MYO10: variants seen among roughly 807,000 people sequenced by gnomAD.
The protein encoded by MYO10 is unconventional myosin-X.
In MYO10, 133 loss-of-function variants were observed where a neutral mutation model predicts 257.3. That is an observed-to-expected ratio of 0.52 (90% CI 0.45 to 0.60). MYO10 has a LOEUF of 0.60. Ranked by LOEUF, MYO10 falls within the 20% of genes least tolerant of loss-of-function variation. The pLI is 0.00. For synonymous variants in MYO10, 1,104 were observed against 1,028.6 expected, an observed-to-expected ratio of 1.07 and a Z score of -1.40; for missense variants, 2,399 against 2,635.7, an observed-to-expected ratio of 0.91 and a Z score of 1.97.
intron 1 of MYO10, among the ~76,000 whole-genome samples, chr5:16,915,813 C>T (rs996902035): frequency 2.0e-5 from 3 of 152,070 alleles, no homozygotes; most frequent in Non-Finnish European, 2.9e-5. Context: ...AAAAATTAGC[C>T]GGGTGTGGTG....
intron 2 of MYO10, among the ~76,000 whole-genome samples, chr5:16,842,549 C>A (rs577299210): frequency 1.3e-5 from 2 of 152,254 alleles, no homozygotes; most frequent in South Asian, 4.2e-4. Context: ...TTCTGTCTTC[C>A]TAATCTGTCC....
chr5:16,889,653 C>A (rs529250338), intron 1 of MYO10, among the ~76,000 whole-genome samples: 1 of 151,710 alleles, frequency 6.6e-6, no homozygotes, highest in African/African-American at 2.4e-5. Context: ...ATAAAACTGT[C>A]CCACTAAGAA....
At chr5:16,875,072 T>A (rs1744563298) in intron 2 of MYO10, among the ~76,000 whole-genome samples, 1 of 152,106 alleles carries the variant, frequency 6.6e-6, no homozygotes, top group African/African-American at 2.4e-5. Context: ...CTAGCCCCCG[T>A]GATTCAATTA....
chr5:16,677,658 G>A (rs1208896796), intron 33 of MYO10, among the ~76,000 whole-genome samples: 1 of 151,930 alleles, frequency 6.6e-6, no homozygotes, highest in South Asian at 2.1e-4. Context: ...TTCGTGACCC[G>A]CCTGCCTTGG....
At chr5:16,788,892 G>T (rs1741670909) in intron 4 of MYO10, among the ~76,000 whole-genome samples, 2 of 152,136 alleles carry the variant, frequency 1.3e-5, no homozygotes, top group Non-Finnish European at 2.9e-5. Flanking sequence ...AAAAGATTTT[G>T]AATAACGTCA....
At chr5:16,893,194 C>T (rs1410922470) in intron 1 of MYO10, among the ~76,000 whole-genome samples, 14 of 18,580 alleles carry the variant, frequency 7.5e-4, no homozygotes, top group African/African-American at 8.5e-4. Flanking sequence ...GAGACTCTGT[C>T]TCAAAAAAAA....
At position 16,700,958 on chromosome 5, in the gene MYO10, C is replaced by A. The variant is rs1446395793; in HGVS notation, c.3432+5G>T. 1.3e-6 allele frequency: 2 copies of A among 1,545,014 alleles called. No individual in the cohort carries two copies. Among genetic ancestry groups the A allele is most frequent in the Non-Finnish European group, 8.8e-7 (1 of 1,142,612 alleles). Reference sequence around the variant, plus strand: ...TTCACTGGGACACGCCAGGCAGGTACTTACCGAGGACTGCGCCCCCTCAGA... The same window carrying A: ...TTCACTGGGACACGCCAGGCAGGTAATTACCGAGGACTGCGCCCCCTCAGA... On this transcript the variant is annotated splice_donor_5th_base_variant and intron_variant, in intron 25 of 40. Transcript: ENST00000513610.
intron 9 of MYO10, among the ~76,000 whole-genome samples, chr5:16,778,836 G>A (rs1246887255): frequency 2.0e-5 from 3 of 151,822 alleles, no homozygotes; most frequent in South Asian, 2.1e-4. Context: ...GACTATAGGC[G>A]CCCGCCACCA....
intron 1 of MYO10, among the ~76,000 whole-genome samples, chr5:16,921,677 G>C (rs1169927867): frequency 6.6e-6 from 1 of 151,492 alleles, no homozygotes; most frequent in Admixed American, 6.6e-5. Context: ...GAGGAAGATC[G>C]AAAAAATACT....
At chr5:16,735,496 G>A (rs1451770834) in intron 19 of MYO10, among the ~76,000 whole-genome samples, 3 of 152,058 alleles carry the variant, frequency 2.0e-5, no homozygotes, top group African/African-American at 7.2e-5. Context: ...CTTGAGCCCA[G>A]GAGTTCGAGA....
chr5:16,742,051 G>A, intron 19 of MYO10: 3 of 985,368 alleles, frequency 3.0e-6, no homozygotes, highest in Non-Finnish European at 3.6e-6. Context: ...GACTGCAGGG[G>A]CAAACTAACC....
intron 17 of MYO10, among the ~76,000 whole-genome samples, chr5:16,760,295 CAAAAAAA>C (rs749694848): frequency 1.9e-5 from 2 of 107,314 alleles, no homozygotes; most frequent in Admixed American, 1.0e-4. Flanking sequence ...ACTAAAGATA[CAAAAAAA>C]AAAAAAAAAA....
intron 2 of MYO10, among the ~76,000 whole-genome samples, chr5:16,840,607 G>A (rs1341902366): frequency 6.6e-6 from 1 of 152,034 alleles, no homozygotes; most frequent in East Asian, 1.9e-4. Context: ...GCCACTACAA[G>A]CACACTGTAC....
intron 1 of MYO10, among the ~76,000 whole-genome samples, chr5:16,909,305 G>A (rs754255365): frequency 8.6e-5 from 13 of 152,020 alleles, no homozygotes; most frequent in South Asian, 2.1e-4. Context: ...TCAGGAGTTC[G>A]AGACCAGCCT....
chr5:16,846,944 C>G (rs989985401), intron 2 of MYO10, among the ~76,000 whole-genome samples: 2 of 151,234 alleles, frequency 1.3e-5, no homozygotes, highest in African/African-American at 4.9e-5. Context: ...ATGGTGAAAC[C>G]CCATCTTTAC....
At chr5:16,929,330 T>C (rs1746234102) in intron 1 of MYO10, among the ~76,000 whole-genome samples, 1 of 152,176 alleles carries the variant, frequency 6.6e-6, no homozygotes, top group Non-Finnish European at 1.5e-5. Context: ...GACTACTTGT[T>C]TTCCTAAACT....
intron 8 of MYO10, among the ~76,000 whole-genome samples, chr5:16,780,091 G>A (rs1390382061): frequency 2.0e-5 from 3 of 152,012 alleles, no homozygotes; most frequent in Non-Finnish European, 2.9e-5. Context: ...TAGTAGAGAC[G>A]GAGTTTCACC....
At position 16,858,639 on chromosome 5, in the gene MYO10, A is replaced by T. The variant is rs1744029980; in HGVS notation, c.120+18970T>A. Among the ~76,000 whole-genome samples, 4 of 152,166 alleles carry T rather than the reference A, an allele frequency of 2.6e-5. No individual in the cohort carries two copies. In the South Asian group the frequency reaches 8.3e-4, roughly 32 times the overall value. On this transcript the variant is annotated intron_variant, in intron 2 of 40. Coordinates refer to ENST00000513610, the MANE Select transcript of MYO10 (RefSeq NM_012334.3). ...ATCATATGGTTTGAAATAAAAGCTG[A>T]AAGTTCAGGCTTCCATTGCAGTTCT...
chr5:16,675,984 A>G, intron 34 of MYO10, 47 bp downstream of exon 34: 1 of 1,565,122 alleles, frequency 6.4e-7, no homozygotes, highest in Non-Finnish European at 8.6e-7. Flanking sequence ...TAGCAGGGCA[A>G]GTGGAATCAT....
Sources: allele counts gnomAD v4.1 joint callset (sites outside exome capture counted in the v4.1 genomes callset), GRCh38; gene constraint gnomAD v4.1.1; transcripts MANE v1.5; gene names NCBI Gene and HGNC (gene_info 2026-07-23, HGNC 2026-07-21).